WNT10A: variants seen among roughly 807,000 people sequenced by gnomAD.
WNT10A encodes protein Wnt-10a.
Under a neutral mutation model 36.1 loss-of-function variants are expected in WNT10A, and 37 were observed. That is an observed-to-expected ratio of 1.02 (90% CI 0.79 to 1.35). The LOEUF (loss-of-function observed/expected upper bound fraction) is 1.35, where lower values mean the gene tolerates loss of function less well. Ranked by LOEUF, WNT10A falls within the 40% of genes most tolerant of loss-of-function variation. WNT10A has a pLI of 0.00. For missense variants in WNT10A, 613 were observed against 601.4 expected (o/e 1.02, Z -0.20); for synonymous variants, 255 against 254.1 (o/e 1.00, Z -0.03).
upstream of WNT10A, among the ~76,000 whole-genome samples, chr2:218,878,812 C>G (rs138747956): frequency 6.6e-6 from 1 of 152,180 alleles, no homozygotes; most frequent in African/African-American, 2.4e-5. This position sits in a 1 kb window ranked among gnomAD's most constrained non-coding sequence, Gnocchi z 4.1. Context: ...TCCCCAACAG[C>G]CAATAAGAAT....
At chr2:218,889,697 G>A (rs772637100) in intron 2 of WNT10A, among the ~76,000 whole-genome samples, 4 of 152,226 alleles carry the variant, frequency 2.6e-5, no homozygotes, top group Non-Finnish European at 4.4e-5. Flanking sequence ...CAGTAGAGAT[G>A]TAGACACACA....
upstream of WNT10A, among the ~76,000 whole-genome samples, chr2:218,879,485 C>T (rs1944485422): frequency 6.6e-6 from 1 of 152,250 alleles, no homozygotes; most frequent in Non-Finnish European, 1.5e-5. Context: ...TTTCCCCTGC[C>T]CTCTGGCTCT....
At chr2:218,881,148 G>A (rs1944508393) in intron 1 of WNT10A, 40 bp downstream of exon 1, 2 of 1,560,350 alleles carry the variant, frequency 1.3e-6, no homozygotes, top group African/African-American at 1.4e-5. Flanking sequence ...TAGAGAGTTG[G>A]GACCCCGGCC....
In WNT10A at chr2:218,881,009, ACCCTCGCCCCTGGCTGCGGCTCCGAC is replaced by A. The variant is rs1161358944; in HGVS notation, c.18_43del (p.Arg7AlafsTer28). ...GGCCTGCGCGCCATGGGCAGCGCCC[ACCCTCGCCCCTGGCTGCGGCTCCGAC>A]CCCAGCCCCAGCCGCGGCCAGCGCT... On this transcript the variant is annotated frameshift_variant, in exon 1 of 4. Transcript: ENST00000258411. LOFTEE classifies it high-confidence loss of function. The A allele has an allele frequency of 1.9e-6, 3 of 1,583,404 alleles. No individual in the cohort carries two copies. Among genetic ancestry groups the A allele is most frequent in the Admixed American group, 3.5e-5 (2 of 56,524 alleles).
intron 2 of WNT10A, among the ~76,000 whole-genome samples, chr2:218,883,266 C>T (rs1330720510): frequency 1.3e-5 from 2 of 152,162 alleles, no homozygotes; most frequent in Non-Finnish European, 2.9e-5. Context: ...TATCTCTCTT[C>T]TCAGTGGATT....
rs749864407 is a variant in WNT10A, at chr2:218,881,057, C to A, written c.62C>A (p.Ala21Glu). ...RLRPQPQPRP[A>E]LWVLLFFLLL... Reference sequence around the variant, plus strand: ...CGACCCCAGCCCCAGCCGCGGCCAGCGCTCTGGGTGCTCCTGTTCTTCCTA... The same window carrying A: ...CGACCCCAGCCCCAGCCGCGGCCAGAGCTCTGGGTGCTCCTGTTCTTCCTA... The change falls in exon 1 of 4, where the codon GCG (alanine) becomes GAG (glutamate). Residue 21 changes from alanine to glutamate, a missense_variant. Ala to Glu is a moderately radical substitution (Grantham distance 107, BLOSUM62 -1). Coordinates refer to ENST00000258411, the MANE Select transcript of WNT10A (RefSeq NM_025216.3). 1.9e-6 allele frequency: 3 copies of A among 1,604,702 alleles called. No homozygotes were observed. Among genetic ancestry groups the A allele is most frequent in the Non-Finnish European group, 2.6e-6 (3 of 1,176,092 alleles).
chr2:218,877,850 G>T (rs1337279114), upstream of WNT10A, among the ~76,000 whole-genome samples: 1 of 152,168 alleles, frequency 6.6e-6, no homozygotes, highest in Non-Finnish European at 1.5e-5. The surrounding 1 kb of genome is among the most constrained non-coding windows in gnomAD (Gnocchi z 4.1). Flanking sequence ...CTCCTTATTG[G>T]TCTGTGGCTC....
At chr2:218,879,036 T>C (rs1036888889), upstream of WNT10A, among the ~76,000 whole-genome samples, 13 of 152,156 alleles carry the variant, frequency 8.5e-5, no homozygotes, top group African/African-American at 3.1e-4. Context: ...TTGCTGCCCC[T>C]GGCTGTTTTC....
Position 218,893,020 on chromosome 2 carries a change from G to C in WNT10A, c.1003G>C (p.Asp335His), listed in dbSNP as rs545956598. 1.3e-6 allele frequency: 2 copies of C among 1,590,422 alleles called. No homozygotes were observed. Among genetic ancestry groups the C allele is most frequent in the East Asian group, 4.5e-5 (2 of 44,250 alleles). Residue 335 changes from aspartate to histidine, a missense_variant, in exon 4 of 4, where the codon GAC (aspartate) becomes CAC (histidine). Asp to His is a moderately conservative substitution (Grantham distance 81). Transcript: ENST00000258411. The surrounding 1 kb of genome is among the most constrained non-coding windows in gnomAD (Gnocchi z 6.3). Reference protein sequence around the residue: ...PGPRRRASPADLVYFEKSPDF... With the variant: ...PGPRRRASPAHLVYFEKSPDF... ...GCCGCGCCGACGGGCCAGCCCCGCC[G>C]ACCTGGTCTACTTCGAAAAGTCTCC...
At chr2:218,883,905 G>A (rs1228411276) in intron 2 of WNT10A, 1 of 152,016 alleles carries the variant, frequency 6.6e-6, no homozygotes, top group Non-Finnish European at 1.5e-5. Context: ...GGCCGGGCCG[G>A]CGCTCACCGC....
upstream of WNT10A, among the ~76,000 whole-genome samples, chr2:218,876,561 G>A (rs974882791): frequency 6.6e-6 from 1 of 152,114 alleles, no homozygotes; most frequent in African/African-American, 2.4e-5. Context: ...CTGGGCCTCA[G>A]GGAAGTCATG....
At chr2:218,892,303 CCACACACA>C (rs60385784) in intron 3 of WNT10A, among the ~76,000 whole-genome samples, 28,271 of 100,796 alleles carry the variant, frequency 0.28, 5,223 homozygotes, top group Middle Eastern at 0.35. Context: ...ACCCACCCCA[CCACACACA>C]CACACACACA....
At chr2:218,878,965 G>A (rs1460276088), upstream of WNT10A, among the ~76,000 whole-genome samples, 3 of 152,180 alleles carry the variant, frequency 2.0e-5, no homozygotes, top group African/African-American at 7.2e-5. The surrounding 1 kb of genome is among the most constrained non-coding windows in gnomAD (Gnocchi z 4.1). Context: ...AGCATGGTAG[G>A]GAGAGTGGGG....
chr2:218,881,540 C>CTGTGTGTA (rs1553622227), intron 1 of WNT10A, among the ~76,000 whole-genome samples: 1 of 141,540 alleles, frequency 7.1e-6, no homozygotes, highest in African/African-American at 2.9e-5. Flanking sequence ...GCTGCAAGAG[C>CTGTGTGTA]TGTGTGTGTG....
At chr2:218,883,478 C>A (rs905074130) in intron 2 of WNT10A, among the ~76,000 whole-genome samples, 12 of 152,042 alleles carry the variant, frequency 7.9e-5, no homozygotes, top group African/African-American at 2.7e-4. Context: ...CTTGCATCCC[C>A]TGGGCCCCCA....
At chr2:218,876,329 A>T (rs1401102860), upstream of WNT10A, among the ~76,000 whole-genome samples, 1 of 152,202 alleles carries the variant, frequency 6.6e-6, no homozygotes, top group Non-Finnish European at 1.5e-5. Context: ...CAGTCCTTCA[A>T]ATGAAACAGA....
chr2:218,890,488 G>A (rs1944638578), intron 3 of WNT10A, 125 bp downstream of exon 3: 1 of 1,384,306 alleles, frequency 7.2e-7, no homozygotes, highest in Non-Finnish European at 1.0e-6. Flanking sequence ...TCTTCTCGTT[G>A]ACCCTGTCTA....
rs1378909303 is a variant in WNT10A, at chr2:218,892,827, C to A, written c.810C>A (p.Ser270Arg). The change falls in exon 4 of 4, where the codon AGC (serine) becomes AGA (arginine). Residue 270 changes from serine (S) to arginine (R), a missense_variant. Transcript: ENST00000258411. ...RKCKCHGTSGSCQLKTCWQVT... is the reference protein window; with the variant it reads ...RKCKCHGTSGRCQLKTCWQVT... Reference sequence around the variant, plus strand: ...GCAAGTGCCACGGCACGTCAGGCAGCTGCCAGCTCAAGACGTGCTGGCAGG... The same window carrying A: ...GCAAGTGCCACGGCACGTCAGGCAGATGCCAGCTCAAGACGTGCTGGCAGG... 60 of 1,596,862 alleles carry A rather than the reference C, an allele frequency of 3.8e-5. No individual in the cohort carries two copies. Among genetic ancestry groups the A allele is most frequent in the Non-Finnish European group, 5.0e-5 (59 of 1,173,208 alleles).
intron 2 of WNT10A, 111 bp downstream of exon 2, chr2:218,882,534 A>C: frequency 7.2e-7 from 1 of 1,379,542 alleles, no homozygotes; most frequent in Non-Finnish European, 1.0e-6. Flanking sequence ...TCCCATCCCC[A>C]CACACCCATC....
Sources: gnomAD v4.1 joint callset for allele counts (sites outside exome capture counted in the v4.1 genomes callset) on GRCh38, gnomAD v4.1.1 for gene constraint, Gnocchi (gnomAD v3.1) non-coding constraint, MANE v1.5 for transcripts, NCBI Gene and HGNC (gene_info 2026-07-23, HGNC 2026-07-21) for gene names.